Variants in CEP170 observed in about 807,000 individuals in gnomAD.
CEP170 encodes centrosomal protein of 170 kDa.
In CEP170, 21 loss-of-function variants were observed where a neutral mutation model predicts 151.9. The ratio of observed to expected loss-of-function variants is 0.14; its 90% CI spans 0.10 to 0.20. CEP170 has a LOEUF of 0.20. CEP170 is among the 10% of genes least tolerant of loss of function. The probability of loss-of-function intolerance (pLI) is 1.00; values close to 1 mark genes in which losing one functional copy is unlikely to be tolerated. For synonymous variants in CEP170, 356 were observed against 648.8 expected (o/e 0.55, Z 6.86); for missense variants, 964 against 1,892.9 (o/e 0.51, Z 9.11).
intron 1 of CEP170, among the ~76,000 whole-genome samples, chr1:243,230,410 G>A (rs530315107): frequency 3.3e-5 from 5 of 152,164 alleles, no homozygotes; most frequent in Non-Finnish European, 5.9e-5. Flanking sequence ...AAACTCTCCC[G>A]TTAAAGCCCA....
At position 243,161,852 on chromosome 1, in the gene CEP170, A is replaced by G. The variant is rs544826784; in HGVS notation, c.3676+2432T>C. 2.3e-3 allele frequency among the ~76,000 whole-genome samples: 357 copies of G among 152,342 alleles called. 1 individual carries two copies. The highest frequency in any genetic ancestry group is 8.4e-3 in the African/African-American group (349 of 41,568). ...AAATTTTGCTTTTCTTTTTCCATTC[A>G]AAATATTATAATTATCTTAAAAAGA... On this transcript the variant is annotated intron_variant, in intron 13 of 19. Coordinates refer to ENST00000366542, the MANE Select transcript of CEP170 (RefSeq NM_014812.3).
chr1:243,235,998 C>T (rs980931338), intron 1 of CEP170, among the ~76,000 whole-genome samples: 1 of 152,140 alleles, frequency 6.6e-6, no homozygotes, highest in African/African-American at 2.4e-5. Flanking sequence ...CTGTACTACC[C>T]TCATTAAAGC....
rs779374151 is a variant in CEP170 at position 243,200,811 on chromosome 1, T to C, written c.299A>G (p.Gln100Arg). 1.2e-6 allele frequency: 2 copies of C among 1,610,810 alleles called. No individual in the cohort carries two copies. Among genetic ancestry groups the C allele is most frequent in the South Asian group, 1.1e-5 (1 of 90,166 alleles). The part of the protein sequence containing the change: ...GYDTNLFTVV[Q>R]GEMRVPEEAL... ...TTCTTCAGGGACCCTCATTTCTCCT[T>C]GTACTACAGTGAAAAGATTTGTATG... is the stretch of plus-strand genomic sequence containing the variant. Residue 100 changes from glutamine to arginine, a missense_variant, in exon 5 of 20, where the codon CAA becomes CGA. Physicochemically the swap from Gln to Arg is conservative, Grantham distance 43. Coordinates refer to ENST00000366542, the MANE Select transcript of CEP170 (RefSeq NM_014812.3).
chr1:243,156,438 G>T lies in CEP170; in HGVS notation c.3694C>A (p.Arg1232Ser). The change falls in exon 14 of 20, where the codon CGC (arginine) becomes AGC (serine). Residue 1232 changes from arginine to serine, a missense_variant. Transcript: ENST00000366542. The stretch of plus-strand genomic sequence containing the variant: ...GTGGAAGCATAATCAGTAGGAAAGC[G>T]CCTCCATCTTGAATTTACTAAATTA... ...GSASVNSRWR[R>S]FPTDYASTSE... 6.5e-7 allele frequency: 1 copy of T among 1,546,346 alleles called. No homozygotes were observed. Among genetic ancestry groups the T allele is most frequent in the South Asian group, 1.2e-5 (1 of 82,954 alleles).
chr1:243,252,856 A>C (rs1328291150), intron 1 of CEP170, among the ~76,000 whole-genome samples: 1 of 152,176 alleles, frequency 6.6e-6, no homozygotes, highest in South Asian at 2.1e-4. Flanking sequence ...GGGAAGAAAA[A>C]AGCACTTTAT....
At chr1:243,182,272 G>A (rs895540893) in intron 10 of CEP170, among the ~76,000 whole-genome samples, 7 of 152,112 alleles carry the variant, frequency 4.6e-5, no homozygotes, top group African/African-American at 1.7e-4. Flanking sequence ...GTGGAGCTAT[G>A]CTCTAGAATT....
rs2058316444 is a variant in CEP170 at position 243,164,560 on chromosome 1, T to C, written c.3400A>G (p.Thr1134Ala). ...VASEVSTTSS[T>A]SKPPTGRRNI... ...CGCCTTCCTGTGGGAGGTTTTGATG[T>C]AGAACTTGTTGTGGATACTTCAGAA... The change falls in exon 13 of 20, where the codon ACA becomes GCA. Residue 1134 changes from threonine (T) to alanine (A), a missense_variant. Coordinates refer to ENST00000366542, the MANE Select transcript of CEP170 (RefSeq NM_014812.3). 1 of 1,613,580 alleles carries C rather than the reference T, an allele frequency of 6.2e-7. No individual in the cohort carries two copies. Among genetic ancestry groups the C allele is most frequent in the Non-Finnish European group, 8.5e-7 (1 of 1,179,674 alleles).
chr1:243,231,202 TATTATC>T (rs1321390921), intron 1 of CEP170, among the ~76,000 whole-genome samples: 34 of 150,992 alleles, frequency 2.3e-4, no homozygotes, highest in Non-Finnish European at 4.0e-4. Flanking sequence ...TTATTATTAT[TATTATC>T]ATCATTATTA....
chr1:243,249,291 A>G (rs2065712938), intron 1 of CEP170, among the ~76,000 whole-genome samples: 2 of 152,030 alleles, frequency 1.3e-5, no homozygotes, highest in African/African-American at 4.8e-5. Context: ...GGTGGCGCAC[A>G]CTTGTAGTCC....
At chr1:243,140,189 G>A (rs1172579572) in intron 15 of CEP170, 82 bp from the exon 16 acceptor site, 1 of 1,531,006 alleles carries the variant, frequency 6.5e-7, no homozygotes, top group African/African-American at 1.4e-5. Flanking sequence ...TTTATGATTA[G>A]ACAGAAGTTA....
At position 243,165,225 on chromosome 1, in the gene CEP170, T is replaced by C. The variant is rs1423398065; in HGVS notation, c.2735A>G (p.Asn912Ser). Residue 912 changes from asparagine (N) to serine (S), a missense_variant, in exon 13 of 20, where the codon AAT becomes AGT. Coordinates refer to ENST00000366542, the MANE Select transcript of CEP170 (RefSeq NM_014812.3). ...AFLEAKLRED[N>S]KTDEGPDTPS... is the part of the protein sequence containing the mutation. ...AGTATCTGGTCCTTCATCAGTTTTA[T>C]TATCTTCACGTAGTTTAGCTTCTAG... The C allele has an allele frequency of 6.2e-7, 1 of 1,611,164 alleles. No individual in the cohort carries two copies.
chr1:243,247,229 A>C (rs1171027903), intron 1 of CEP170, among the ~76,000 whole-genome samples: 1 of 152,234 alleles, frequency 6.6e-6, no homozygotes, highest in Non-Finnish European at 1.5e-5. Flanking sequence ...CTAGGGAAAA[A>C]AAAAGTAAGG....
intron 12 of CEP170, chr1:243,168,315 A>G (rs1224474563): frequency 1.3e-5 from 2 of 152,064 alleles, no homozygotes; most frequent in African/African-American, 4.8e-5. Context: ...GCCTGAGACA[A>G]AACAAATTTC....
chr1:243,158,654 C>T (rs1395900241), intron 13 of CEP170, among the ~76,000 whole-genome samples: 1 of 152,140 alleles, frequency 6.6e-6, no homozygotes, highest in Admixed American at 6.5e-5. Context: ...AATGCAATTA[C>T]ATTTTGAGGA....
intron 3 of CEP170, among the ~76,000 whole-genome samples, chr1:243,212,883 G>A (rs934906935): frequency 5.9e-5 from 9 of 151,826 alleles, no homozygotes; most frequent in South Asian, 4.2e-4. Context: ...CAGGCTGATC[G>A]CAAACTCCTG....
chr1:243,233,663 G>A (rs1198592377), intron 1 of CEP170, among the ~76,000 whole-genome samples: 1 of 150,000 alleles, frequency 6.7e-6, no homozygotes, highest in Non-Finnish European at 1.5e-5. Context: ...AACCCAGGAG[G>A]CGGAGCTTAC....
chr1:243,146,977 T>G (rs1214220392), intron 14 of CEP170, among the ~76,000 whole-genome samples: 1 of 147,438 alleles, frequency 6.8e-6, no homozygotes, highest in Admixed American at 6.7e-5. Flanking sequence ...AAAGACCAAT[T>G]GTGAATCCCC....
Position 243,126,420 on chromosome 1 carries a change from G to A in CEP170, c.*29C>T. The stretch of plus-strand genomic sequence containing the variant: ...TCCAATATTCCTAGCCATTCCACAG[G>A]TAATGATTTTTCAACAATCAAGAGA... On this transcript the variant is annotated 3_prime_UTR_variant, in exon 20 of 20. Transcript: ENST00000366542. The A allele has an allele frequency of 1.3e-6, 2 of 1,583,442 alleles. No individual in the cohort carries two copies. The highest frequency in any genetic ancestry group is 1.7e-6 in the Non-Finnish European group (2 of 1,162,042).
At chr1:243,232,487 T>C (rs2063848438) in intron 1 of CEP170, among the ~76,000 whole-genome samples, 1 of 152,196 alleles carries the variant, frequency 6.6e-6, no homozygotes, top group Admixed American at 6.5e-5. Context: ...CCACAATATT[T>C]TGTTCAAACA....
Sources: allele counts gnomAD v4.1 joint callset (sites outside exome capture counted in the v4.1 genomes callset), GRCh38; gene constraint gnomAD v4.1.1; transcripts MANE v1.5; gene names NCBI Gene and HGNC (gene_info 2026-07-23, HGNC 2026-07-21).